Variants in ADGRE2 observed in about 807,000 individuals in gnomAD.
The protein encoded by ADGRE2 is CD97 antigen.
ADGRE2 carries 83 observed loss-of-function variants against 100.8 expected under a neutral mutation model. That is an observed-to-expected ratio of 0.82 (90% CI 0.69 to 0.99). The LOEUF (loss-of-function observed/expected upper bound fraction) is 0.99. Among genes scored for constraint, ADGRE2 ranks in the 50% least tolerant of loss-of-function variants. The pLI, the probability that ADGRE2 is intolerant of heterozygous loss-of-function variation, is 0.00. For synonymous variants in ADGRE2, 355 were observed against 413.0 expected, an observed-to-expected ratio of 0.86 and a Z score of 1.70; for missense variants, 814 against 1,035.7, an observed-to-expected ratio of 0.79 and a Z score of 2.94.
intron 20 of ADGRE2, among the ~76,000 whole-genome samples, chr19:14,736,920 T>C (rs1365848831): frequency 7.0e-6 from 1 of 143,138 alleles, no homozygotes; most frequent in Non-Finnish European, 1.5e-5. Flanking sequence ...TTTAGAAATA[T>C]ATATATATTT....
chr19:14,750,077 A>G (rs2043232522), intron 16 of ADGRE2, among the ~76,000 whole-genome samples: 1 of 62,188 alleles, frequency 1.6e-5, no homozygotes, highest in Non-Finnish European at 2.7e-5. Context: ...TTACATAATT[A>G]TTTATAGCTA....
chr19:14,731,124 C>A, downstream of ADGRE2: 1 of 1,498,954 alleles, frequency 6.7e-7, no homozygotes, highest in South Asian at 1.2e-5. Flanking sequence ...TTTATTCATT[C>A]AATTTCTCTT....
At position 14,778,352 on chromosome 19, in the gene ADGRE2, T is replaced by G; in HGVS notation, c.-267A>C. On this transcript the variant is annotated 5_prime_UTR_variant, in exon 1 of 21. Coordinates refer to ENST00000315576, the MANE Select transcript of ADGRE2 (RefSeq NM_013447.4). ...CGAGCTGGGGAGTTTGAGGCTGCGG[T>G]GAGCTAAGATGGTGCCACTGCACTC... 1.6e-4 allele frequency: 38 copies of G among 238,118 alleles called. No individual in the cohort carries two copies. The highest frequency in any genetic ancestry group is 2.4e-4 in the Non-Finnish European group (35 of 146,456). 14.8% of individuals were successfully genotyped at this position (238,118 alleles called of 1,614,324 possible). A position where few individuals can be genotyped will look rare whatever the true frequency, so the allele number is the denominator to read the frequency against.
At chr19:14,731,340 A>G, downstream of ADGRE2, 1 of 729,418 alleles carries the variant, frequency 1.4e-6, no homozygotes, top group Non-Finnish European at 2.3e-6. Context: ...TCAAACTTCC[A>G]GTTCCGTGAC....
At chr19:14,764,283 G>A (rs2043865411) in intron 11 of ADGRE2, 150 bp downstream of exon 11, 1 of 695,220 alleles carries the variant, frequency 1.4e-6, no homozygotes, top group Non-Finnish European at 2.5e-6. Flanking sequence ...TGTCCAGACT[G>A]GTATGTATTT....
rs535119252 is a variant in ADGRE2, at chr19:14,775,824, A to G, written c.31+902T>C. Among the ~76,000 whole-genome samples, 7 of 146,602 alleles carry G rather than the reference A, an allele frequency of 4.8e-5. No individual in the cohort carries two copies. In the East Asian group the frequency reaches 1.0e-3, roughly 22 times the overall value. The stretch of plus-strand genomic sequence containing the variant: ...CAGCAAGCTGAGATCGTGCCACTGC[A>G]CTCCAGCCTGGGCGACAGAGCAAGG... On this transcript the variant is annotated intron_variant, in intron 2 of 20. Transcript: ENST00000315576.
chr19:14,754,440 TATCTATC>T (rs1373321010), intron 14 of ADGRE2, among the ~76,000 whole-genome samples: 14 of 31,764 alleles, frequency 4.4e-4, no homozygotes, highest in South Asian at 8.1e-4. Flanking sequence ...AGGCAGAAAT[TATCTATC>T]TATCTATCTA....
In ADGRE2 at chr19:14,762,636, T is replaced by A. The variant is rs962587924; in HGVS notation, c.1084+1797A>T. 2.0e-5 allele frequency among the ~76,000 whole-genome samples: 3 copies of A among 152,214 alleles called. No homozygotes were observed. The East Asian group carries it at 5.8e-4, about 29-fold the overall frequency. The stretch of plus-strand genomic sequence containing the variant: ...CTTTTAAAATTTTTTCTTATTTTTA[T>A]TTTTAATTTTAATTTTTTTGTTTGA... On this transcript the variant is annotated intron_variant, in intron 11 of 20. Transcript: ENST00000315576.
chr19:14,769,015 A>AGAATGGATACTGCGCTGGAATGCACC (rs1378433857), intron 5 of ADGRE2: 2 of 152,244 alleles, frequency 1.3e-5, no homozygotes, highest in African/African-American at 2.4e-5. Flanking sequence ...GATAGCAGAG[A>AGAATGGATACTGCGCTGGAATGCACC]GAATGGATAC....
intron 20 of ADGRE2, chr19:14,741,866 T>A: frequency 2.5e-6 from 1 of 395,436 alleles, no homozygotes; most frequent in Non-Finnish European, 4.5e-6. Flanking sequence ...ACATATAATC[T>A]GGAGAAGATG....
chr19:14,750,310 C>T (rs958491266), intron 16 of ADGRE2, among the ~76,000 whole-genome samples: 5 of 148,870 alleles, frequency 3.4e-5, no homozygotes. Flanking sequence ...ATAATTTTTA[C>T]CCCATATAAT....
intron 5 of ADGRE2, among the ~76,000 whole-genome samples, chr19:14,770,924 C>T (rs1013374578): frequency 6.6e-5 from 10 of 152,062 alleles, no homozygotes; most frequent in Non-Finnish European, 1.2e-4. Context: ...AGGTGATCCA[C>T]CCGCCTCAGC....
chr19:14,770,683 T>TTC (rs2044171801), intron 5 of ADGRE2, among the ~76,000 whole-genome samples: 3 of 127,474 alleles, frequency 2.4e-5, no homozygotes, highest in African/African-American at 8.8e-5. Context: ...TTTTTTTTTT[T>TTC]TTTTTTTTTT....
chr19:14,757,384 A>T (rs112445679), intron 11 of ADGRE2, among the ~76,000 whole-genome samples: 1,469 of 135,638 alleles, frequency 0.011, 26 homozygotes, highest in African/African-American at 0.041. Flanking sequence ...TCATCTTAAA[A>T]TTCATATGGT....
At chr19:14,777,477 A>AAATTAATT (rs111477669) in intron 1 of ADGRE2, among the ~76,000 whole-genome samples, 66 of 151,202 alleles carry the variant, frequency 4.4e-4, no homozygotes, top group Middle Eastern at 6.8e-3. Context: ...CTTTCTTTTT[A>AAATTAATT]AATTAATTAA....
At chr19:14,740,918 G>A (rs2042909593) in intron 20 of ADGRE2, among the ~76,000 whole-genome samples, 1 of 151,530 alleles carries the variant, frequency 6.6e-6, no homozygotes, top group Non-Finnish European at 1.5e-5. Flanking sequence ...TATATTTTGT[G>A]TAGAGATGGG....
chr19:14,774,889 G>C (rs1255690669), intron 2 of ADGRE2, among the ~76,000 whole-genome samples: 1 of 150,888 alleles, frequency 6.6e-6, no homozygotes, highest in African/African-American at 2.4e-5. Flanking sequence ...GGCCAGGCTG[G>C]TCTCGAACTC....
intron 2 of ADGRE2, chr19:14,776,450 A>C (rs2044442648): frequency 6.6e-6 from 3 of 454,662 alleles, no homozygotes; most frequent in South Asian, 2.4e-5. Context: ...CCTCTTATGG[A>C]GCAGATGCCA....
intron 14 of ADGRE2, among the ~76,000 whole-genome samples, chr19:14,754,232 G>A (rs945238814): frequency 1.3e-5 from 2 of 151,824 alleles, no homozygotes; most frequent in Non-Finnish European, 2.9e-5. Context: ...ACGGCCTATC[G>A]TGGGACCTTG....
Sources: gnomAD v4.1 joint callset for allele counts (sites outside exome capture counted in the v4.1 genomes callset) on GRCh38, gnomAD v4.1.1 for gene constraint, MANE v1.5 for transcripts, NCBI Gene and HGNC (gene_info 2026-07-23, HGNC 2026-07-21) for gene names.